Variants in SNTG1 observed in about 807,000 individuals in gnomAD.
SNTG1 encodes syntrophin gamma 1, also known as gamma-1-syntrophin.
A neutral mutation model predicts 74.7 loss-of-function variants in SNTG1; 39 were observed. The observed-to-expected ratio is 0.52, with a 90% CI of 0.40 to 0.68. The LOEUF is 0.68. Ranked by LOEUF, SNTG1 falls within the 30% of genes least tolerant of loss-of-function variation. The pLI is 0.00. For missense variants in SNTG1, 685 were observed against 609.5 expected, an observed-to-expected ratio of 1.12 and a Z score of -1.30; for synonymous variants, 254 against 217.1, an observed-to-expected ratio of 1.17 and a Z score of -1.49.
At chr8:49,972,904 ACACTGTTGGTG>A (rs200697154) in intron 1 of SNTG1, among the ~76,000 whole-genome samples, 16,376 of 152,164 alleles carry the variant, frequency 0.11, 1,318 homozygotes, top group African/African-American at 0.21. Context: ...GGACGCTTTT[ACACTGTTGGTG>A]GGACTGTAAA....
At chr8:50,473,215 T>C (rs2093667292) in intron 8 of SNTG1, among the ~76,000 whole-genome samples, 1 of 152,130 alleles carries the variant, frequency 6.6e-6, no homozygotes, top group African/African-American at 2.4e-5. Context: ...TCTAATGATT[T>C]TATAAAGGGC....
Position 50,731,887 on chromosome 8 carries a change from C to A in SNTG1, c.1285-20114C>A, listed in dbSNP as rs570991984. On this transcript the variant is annotated intron_variant, in intron 17 of 18. Coordinates refer to ENST00000642720, the MANE Select transcript of SNTG1 (RefSeq NM_018967.5). Reference sequence around the variant, plus strand: ...ACAATAATTTTGACTTAGGTTATTCCAAATTGGCCTTAGTAAATTTCTTTG... The same window carrying A: ...ACAATAATTTTGACTTAGGTTATTCAAAATTGGCCTTAGTAAATTTCTTTG... Among the ~76,000 whole-genome samples the A allele has an allele frequency of 2.6e-5, 4 of 152,150 alleles. No homozygotes were observed. The East Asian group carries it at 7.7e-4, about 29-fold the overall frequency.
chr8:50,074,484 G>T (rs896622707), intron 1 of SNTG1, among the ~76,000 whole-genome samples: 1 of 152,116 alleles, frequency 6.6e-6, no homozygotes, highest in East Asian at 1.9e-4. Flanking sequence ...AGGGAGGTCC[G>T]AGTAGAGTGA....
intron 9 of SNTG1, among the ~76,000 whole-genome samples, chr8:50,529,912 T>TTTTTTTTTTTTTTTTTTTTTTGAGACGG (rs1158876473): frequency 2.0e-5 from 3 of 151,900 alleles, no homozygotes; most frequent in Non-Finnish European, 2.9e-5. Context: ...TAATACTTTT[T>TTTTTTTTTTTTTTTTTTTTTTGAGACGG]ATAAGGCTGT....
intron 8 of SNTG1, among the ~76,000 whole-genome samples, chr8:50,460,565 G>T (rs141628123): frequency 3.3e-5 from 5 of 152,046 alleles, no homozygotes; most frequent in South Asian, 2.1e-4. Context: ...TCCCAAAGCC[G>T]ATGTCCAAAA....
chr8:50,704,114 T>A (rs555910225), intron 15 of SNTG1, among the ~76,000 whole-genome samples: 1 of 89,788 alleles, frequency 1.1e-5, no homozygotes, highest in Non-Finnish European at 2.3e-5. Flanking sequence ...AAATAATGCG[T>A]TTTTTTTTAA....
chr8:50,291,528 C>A (rs1213964655), intron 2 of SNTG1, among the ~76,000 whole-genome samples: 1 of 151,962 alleles, frequency 6.6e-6, no homozygotes, highest in Non-Finnish European at 1.5e-5. Flanking sequence ...AATGAGACAG[C>A]CAGGTAAGAA....
chr8:50,273,375 T>G (rs1322339903), intron 2 of SNTG1, among the ~76,000 whole-genome samples: 1 of 152,206 alleles, frequency 6.6e-6, no homozygotes, highest in Non-Finnish European at 1.5e-5. Flanking sequence ...ATTTGACACA[T>G]TGATGTGGCA....
At chr8:50,540,144 GC>G (rs1177882606) in intron 11 of SNTG1, among the ~76,000 whole-genome samples, 1 of 152,146 alleles carries the variant, frequency 6.6e-6, no homozygotes, top group Non-Finnish European at 1.5e-5. Context: ...GCATCAGAAA[GC>G]AGCTGATAAG....
At chr8:50,147,396 TA>T (rs1333179636) in intron 1 of SNTG1, among the ~76,000 whole-genome samples, 2 of 152,186 alleles carry the variant, frequency 1.3e-5, no homozygotes, top group Non-Finnish European at 2.9e-5. Flanking sequence ...TAAAGTAAGC[TA>T]AAGACAAAAG....
chr8:50,016,880 A>G (rs1165493476), intron 1 of SNTG1, among the ~76,000 whole-genome samples: 7 of 152,266 alleles, frequency 4.6e-5, no homozygotes, highest in African/African-American at 1.7e-4. Context: ...GTTTGCACCA[A>G]CTAATAAGAC....
At chr8:50,547,674 C>A (rs1249709908) in intron 11 of SNTG1, among the ~76,000 whole-genome samples, 1 of 151,590 alleles carries the variant, frequency 6.6e-6, no homozygotes, top group Non-Finnish European at 1.5e-5. Context: ...GAAAACTGAA[C>A]AATAAAAATA....
chr8:50,772,071 T>A (rs1039336834), intron 18 of SNTG1, among the ~76,000 whole-genome samples: 5 of 150,928 alleles, frequency 3.3e-5, no homozygotes, highest in African/African-American at 1.2e-4. Flanking sequence ...AAATGTGGAG[T>A]TAGAGCTCTA....
intron 1 of SNTG1, among the ~76,000 whole-genome samples, chr8:50,108,921 A>C (rs1015910293): frequency 1.3e-5 from 2 of 152,158 alleles, no homozygotes; most frequent in African/African-American, 4.8e-5. Context: ...CCCTGTCTGG[A>C]GCAATCTTAG....
chr8:50,384,090 T>C (rs993759978), intron 2 of SNTG1, among the ~76,000 whole-genome samples: 11 of 152,194 alleles, frequency 7.2e-5, no homozygotes, highest in African/African-American at 2.2e-4. Flanking sequence ...CCTAAACTCA[T>C]GAATTCTGGT....
At chr8:50,025,193 A>G (rs1817163127) in intron 1 of SNTG1, among the ~76,000 whole-genome samples, 1 of 152,146 alleles carries the variant, frequency 6.6e-6, no homozygotes, top group African/African-American at 2.4e-5. Context: ...TATTATAAAA[A>G]CGTTAACTCT....
intron 1 of SNTG1, among the ~76,000 whole-genome samples, chr8:50,120,287 T>C (rs1426117120): frequency 1.4e-5 from 2 of 140,344 alleles, no homozygotes; most frequent in Admixed American, 1.5e-4. Flanking sequence ...GCTATTACTG[T>C]CACTACTATC....
At chr8:50,280,269 A>C (rs896472748) in intron 2 of SNTG1, among the ~76,000 whole-genome samples, 3 of 152,234 alleles carry the variant, frequency 2.0e-5, no homozygotes, top group Non-Finnish European at 4.4e-5. Flanking sequence ...AAAGAAAAAC[A>C]AATGTTAATA....
chr8:49,938,559 T>TTTC lies in SNTG1; in HGVS notation c.-103+26331_-103+26333dup, dbSNP rs1296518270. Among the ~76,000 whole-genome samples the TTTC allele has an allele frequency of 1.1e-4, 3 of 26,726 alleles. 1 individual carries two copies. Among genetic ancestry groups the TTTC allele is most frequent in the African/African-American group, 3.3e-4 (3 of 9,024 alleles). 17.5% of individuals were successfully genotyped at this position (26,726 alleles called of 152,430 possible). A position where few individuals can be genotyped will look rare whatever the true frequency, so the allele number is the denominator to read the frequency against. ...CTTACCATGCCTTCTTTTCTTTTGT[T>TTTC]TTCTTTTCTTTTCTTTTCTTTTCTT... On this transcript the variant is annotated intron_variant, in intron 1 of 18. Coordinates refer to ENST00000642720, the MANE Select transcript of SNTG1 (RefSeq NM_018967.5).
Sources: gnomAD v4.1 joint callset for allele counts (sites outside exome capture counted in the v4.1 genomes callset) on GRCh38, gnomAD v4.1.1 for gene constraint, MANE v1.5 for transcripts, NCBI Gene and HGNC (gene_info 2026-07-23, HGNC 2026-07-21) for gene names.